CLECL1: variants seen among roughly 807,000 people sequenced by gnomAD.
CLECL1 encodes C-type lectin like 1.
chr12:9,704,217 G>T, the CLECL1 span: 6 of 152,108 alleles, frequency 3.9e-5, no homozygotes, highest in African/African-American at 1.4e-4. Context: ...TACATCTTTA[G>T]AATTTTAATT....
At chr12:9,708,195 G>A in the CLECL1 span, among the ~76,000 whole-genome samples, 53 of 152,264 alleles carry the variant, frequency 3.5e-4, 1 homozygote, top group Middle Eastern at 6.8e-3. Context: ...CTGAACTGGG[G>A]GAAGAATGGG....
downstream of CLECL1, among the ~76,000 whole-genome samples, chr12:9,719,254 T>C (rs375216137): frequency 2.6e-5 from 4 of 152,086 alleles, no homozygotes; most frequent in East Asian, 7.7e-4. Context: ...AGGCTGGGCG[T>C]GTTGGCTCAC....
At chr12:9,703,732 G>A in the CLECL1 span, among the ~76,000 whole-genome samples, 5 of 151,606 alleles carry the variant, frequency 3.3e-5, no homozygotes, top group South Asian at 4.2e-4. Flanking sequence ...ACACTTGCCC[G>A]CATATATATA....
intron 2 of CLECL1, among the ~76,000 whole-genome samples, chr12:9,729,100 A>G (rs2192433): frequency 0.9 from 136,878 of 151,972 alleles, 61,689 homozygotes; most frequent in East Asian, 0.97. Flanking sequence ...GAAAAATTGG[A>G]CTATGTTTGG....
At chr12:9,715,616 A>T (rs1866230189), downstream of CLECL1, among the ~76,000 whole-genome samples, 1 of 152,174 alleles carries the variant, frequency 6.6e-6, no homozygotes. Flanking sequence ...AAGTATTGGA[A>T]GCTTTTACCA....
At chr12:9,717,167 T>C (rs1313588968) in intron 2 of CLECL1, among the ~76,000 whole-genome samples, 2 of 152,090 alleles carry the variant, frequency 1.3e-5, no homozygotes, top group East Asian at 3.8e-4. Flanking sequence ...TCCTAGCGCT[T>C]TGGGAGGCGG....
the CLECL1 span, among the ~76,000 whole-genome samples, chr12:9,706,204 T>C: frequency 6.6e-6 from 1 of 152,210 alleles, no homozygotes; most frequent in Non-Finnish European, 1.5e-5. Context: ...GCAAATTGAT[T>C]TTGTAACCTG....
chr12:9,726,990 T>C (rs962031087), intron 3 of CLECL1, among the ~76,000 whole-genome samples: 1 of 151,836 alleles, frequency 6.6e-6, no homozygotes, highest in Admixed American at 6.6e-5. Flanking sequence ...AATTTGGACA[T>C]GGTAAGTCAT....
At chr12:9,714,703 G>C (rs1866221637), downstream of CLECL1, among the ~76,000 whole-genome samples, 1 of 152,138 alleles carries the variant, frequency 6.6e-6, no homozygotes, top group Admixed American at 6.5e-5. Context: ...GTTCTTTTGG[G>C]CTGGAAATTC....
At chr12:9,718,744 C>T, downstream of CLECL1, 2 of 700,612 alleles carry the variant, frequency 2.9e-6, no homozygotes, top group South Asian at 3.0e-5. Flanking sequence ...TGAAGAAATG[C>T]CATTTGAAGG....
chr12:9,731,810 A>G (rs1055270844), intron 1 of CLECL1, among the ~76,000 whole-genome samples: 1 of 152,260 alleles, frequency 6.6e-6, no homozygotes, highest in Admixed American at 6.5e-5. Flanking sequence ...AGTTCAAACC[A>G]TAGACAGAAA....
the CLECL1 span, among the ~76,000 whole-genome samples, chr12:9,708,354 G>A: frequency 9.2e-5 from 14 of 152,078 alleles, no homozygotes; most frequent in Admixed American, 2.0e-4. Context: ...GGAAGTTAAC[G>A]GTGAAACGAC....
chr12:9,720,661 G>A (rs1426001762), downstream of CLECL1, among the ~76,000 whole-genome samples: 1 of 152,114 alleles, frequency 6.6e-6, no homozygotes, highest in African/African-American at 2.4e-5. Flanking sequence ...TATTATCACT[G>A]TTTTCTCTCT....
chr12:9,723,737 G>A (rs764479840), intron 3 of CLECL1, among the ~76,000 whole-genome samples: 4 of 152,232 alleles, frequency 2.6e-5, no homozygotes, highest in African/African-American at 7.2e-5. Flanking sequence ...TAGAGGGGGT[G>A]CTCTAACTTG....
At chr12:9,725,548 TA>T (rs35954981) in intron 3 of CLECL1, among the ~76,000 whole-genome samples, 83,297 of 151,758 alleles carry the variant, frequency 0.55, 23,389 homozygotes, top group African/African-American at 0.66. Context: ...TCATAGAATA[TA>T]AAAAAATAGA....
intron 2 of CLECL1, chr12:9,716,796 G>C: frequency 8.0e-7 from 1 of 1,251,860 alleles, no homozygotes; most frequent in South Asian, 1.3e-5. Flanking sequence ...AGAGGAGAAA[G>C]AAAATAATGA....
chr12:9,722,836 A>C (rs1866331390), intron 3 of CLECL1, 23 bp from the exon 2 acceptor site: 2 of 1,551,684 alleles, frequency 1.3e-6, no homozygotes, highest in Admixed American at 1.8e-5. Context: ...AAGATAAGCA[A>C]TTAAAATCAA....
At chr12:9,706,523 T>C in the CLECL1 span, among the ~76,000 whole-genome samples, 2 of 152,190 alleles carry the variant, frequency 1.3e-5, no homozygotes, top group South Asian at 2.1e-4. Context: ...TTTTGATGCC[T>C]GTTCCTTAAA....
chr12:9,711,579 G>GAA (rs1269733999), downstream of CLECL1, among the ~76,000 whole-genome samples: 1 of 151,084 alleles, frequency 6.6e-6, no homozygotes, highest in African/African-American at 2.4e-5. Context: ...TCACATACTT[G>GAA]ATTGCTTCCT....
Sources: gnomAD v4.1 joint callset for allele counts (sites outside exome capture counted in the v4.1 genomes callset) on GRCh38, gnomAD v4.1.1 for gene constraint, MANE v1.5 for transcripts, NCBI Gene and HGNC (gene_info 2026-07-23, HGNC 2026-07-21) for gene names.